PALM2AKAP2: variants seen among roughly 807,000 people sequenced by gnomAD.
PALM2AKAP2 encodes the protein PALM2-AKAP2 fusion protein.
A neutral mutation model predicts 71.5 loss-of-function variants in PALM2AKAP2; 37 were observed. The ratio of observed to expected loss-of-function variants is 0.52; its 90% CI spans 0.40 to 0.68. PALM2AKAP2 has a LOEUF of 0.68. Ranked by LOEUF, PALM2AKAP2 falls within the 30% of genes least tolerant of loss-of-function variation. The pLI is 0.00. For missense variants in PALM2AKAP2, 1,224 were observed against 1,191.8 expected, an observed-to-expected ratio of 1.03 and a Z score of -0.40; for synonymous variants, 468 against 478.8, an observed-to-expected ratio of 0.98 and a Z score of 0.29.
chr9:109,871,460 A>G (rs1166405574), intron 2 of PALM2AKAP2, among the ~76,000 whole-genome samples: 1 of 152,170 alleles, frequency 6.6e-6, no homozygotes, highest in Non-Finnish European at 1.5e-5. Flanking sequence ...AGCAATTTTT[A>G]TAGCTATATT....
At chr9:109,772,468 T>C (rs1402438928) in intron 1 of PALM2AKAP2, among the ~76,000 whole-genome samples, 1 of 152,238 alleles carries the variant, frequency 6.6e-6, no homozygotes, top group Admixed American at 6.5e-5. Flanking sequence ...AAATATAGGT[T>C]TGGCACACAC....
chr9:109,946,659 C>T (rs1227925842), intron 6 of PALM2AKAP2: 1 of 129,968 alleles, frequency 7.7e-6, no homozygotes, highest in Non-Finnish European at 1.5e-5. Context: ...GCACTCCAGC[C>T]TGGGCAACAA....
At chr9:110,167,461 A>G (rs191092756) in intron 3 of PALM2AKAP2, among the ~76,000 whole-genome samples, 2 of 102,850 alleles carry the variant, frequency 1.9e-5, no homozygotes, top group Admixed American at 2.0e-4. Flanking sequence ...CCTAAATGCC[A>G]TTAATCTGGA....
chr9:109,765,970 T>C (rs1406122335), intron 1 of PALM2AKAP2, among the ~76,000 whole-genome samples: 1 of 152,196 alleles, frequency 6.6e-6, no homozygotes, highest in Non-Finnish European at 1.5e-5. Context: ...CCCAGGCCTG[T>C]CATATGCAGA....
chr9:109,843,957 C>G (rs530238840), intron 1 of PALM2AKAP2, among the ~76,000 whole-genome samples: 1 of 152,360 alleles, frequency 6.6e-6, no homozygotes, highest in Non-Finnish European at 1.5e-5. Context: ...AGTTCCTGAC[C>G]TCCGCAACCA....
intron 1 of PALM2AKAP2, among the ~76,000 whole-genome samples, chr9:110,126,911 G>T (rs1267711156): frequency 6.6e-6 from 1 of 152,216 alleles, no homozygotes; most frequent in Non-Finnish European, 1.5e-5. Context: ...CTAAGCTATG[G>T]TGCTGGGGGA....
intron 1 of PALM2AKAP2, among the ~76,000 whole-genome samples, chr9:110,098,027 G>A (rs1181479008): frequency 6.9e-6 from 1 of 144,642 alleles, no homozygotes; most frequent in South Asian, 2.1e-4. Context: ...CAGGCGTGGC[G>A]GCGCGTGCCT....
chr9:110,123,638 TCTCTGAG>T (rs1835536836), intron 1 of PALM2AKAP2, among the ~76,000 whole-genome samples: 1 of 152,190 alleles, frequency 6.6e-6, no homozygotes, highest in Non-Finnish European at 1.5e-5. Flanking sequence ...GACTCTGGCG[TCTCTGAG>T]ACACCAGGTC....
At chr9:109,975,032 A>G (rs1187997128) in intron 6 of PALM2AKAP2, among the ~76,000 whole-genome samples, 1 of 151,896 alleles carries the variant, frequency 6.6e-6, no homozygotes, top group African/African-American at 2.4e-5. Flanking sequence ...AAAATATCAC[A>G]AAGCCAAATA....
chr9:109,767,099 A>T (rs1304329144), intron 1 of PALM2AKAP2, among the ~76,000 whole-genome samples: 1 of 152,202 alleles, frequency 6.6e-6, no homozygotes, highest in African/African-American at 2.4e-5. Context: ...GAGAGAGCTG[A>T]TGTGAGAGAA....
intron 3 of PALM2AKAP2, among the ~76,000 whole-genome samples, chr9:109,897,414 T>C (rs1477398456): frequency 6.6e-6 from 1 of 151,922 alleles, no homozygotes; most frequent in Non-Finnish European, 1.5e-5. Context: ...ACCCCATCTC[T>C]ACTAAAAATA....
At chr9:109,732,113 A>T (rs1015580013) in intron 1 of PALM2AKAP2, among the ~76,000 whole-genome samples, 1 of 152,220 alleles carries the variant, frequency 6.6e-6, no homozygotes, top group Non-Finnish European at 1.5e-5. Flanking sequence ...AATTCAAATT[A>T]CCTGCGTCAT....
intron 1 of PALM2AKAP2, among the ~76,000 whole-genome samples, chr9:109,860,114 C>T (rs1240777006): frequency 2.6e-5 from 4 of 152,140 alleles, no homozygotes; most frequent in Admixed American, 1.3e-4. Flanking sequence ...TAACTGATCT[C>T]GAACAGGGAT....
At chr9:109,708,962 G>A (rs1465829296) in intron 1 of PALM2AKAP2, among the ~76,000 whole-genome samples, 1 of 152,168 alleles carries the variant, frequency 6.6e-6, no homozygotes, top group Non-Finnish European at 1.5e-5. Flanking sequence ...GGCCACAACT[G>A]CTAAGGGTAG....
chr9:109,773,099 C>T (rs1043572511), intron 1 of PALM2AKAP2, among the ~76,000 whole-genome samples: 1 of 151,570 alleles, frequency 6.6e-6, no homozygotes, highest in Non-Finnish European at 1.5e-5. Flanking sequence ...GTCTGGGTGA[C>T]AGAGCAAGAC....
At chr9:110,144,417 C>T (rs1015783798) in intron 2 of PALM2AKAP2, among the ~76,000 whole-genome samples, 40 of 152,204 alleles carry the variant, frequency 2.6e-4, no homozygotes, top group African/African-American at 9.4e-4. Flanking sequence ...TACAATTTAT[C>T]AAGGCCTTAA....
intron 1 of PALM2AKAP2, among the ~76,000 whole-genome samples, chr9:109,863,719 C>T (rs1051553314): frequency 3.3e-5 from 5 of 152,152 alleles, no homozygotes; most frequent in African/African-American, 4.8e-5. Context: ...AACTTGTTGT[C>T]GTTTGACTCA....
In PALM2AKAP2 at chr9:110,085,020, G is replaced by A. The variant is rs941638577; in HGVS notation, c.156+36165G>A. Reference sequence around the variant, plus strand: ...CTCTCAAAGTGCTGGGATTACAGGCGTGAGCCACCGCGCCCGGCCTAGATG... The same window carrying A: ...CTCTCAAAGTGCTGGGATTACAGGCATGAGCCACCGCGCCCGGCCTAGATG... On this transcript the variant is annotated intron_variant, in intron 1 of 3. Coordinates refer to ENST00000374525, the Ensembl canonical transcript of PALM2AKAP2. Among the ~76,000 whole-genome samples, 6 of 152,062 alleles carry A rather than the reference G, an allele frequency of 3.9e-5. No homozygotes were observed. In the East Asian group the frequency reaches 5.8e-4, roughly 15 times the overall value.
At chr9:109,857,423 C>G (rs917306505) in intron 1 of PALM2AKAP2, among the ~76,000 whole-genome samples, 2 of 152,234 alleles carry the variant, frequency 1.3e-5, no homozygotes, top group Non-Finnish European at 2.9e-5. Flanking sequence ...TCCAACACAG[C>G]CTTGACCTAT....
Sources: allele counts gnomAD v4.1 joint callset (sites outside exome capture counted in the v4.1 genomes callset), GRCh38; gene constraint gnomAD v4.1.1; transcripts MANE v1.5; gene names NCBI Gene and HGNC (gene_info 2026-07-23, HGNC 2026-07-21).